Variants in STPG2 observed in about 807,000 individuals in gnomAD.
The protein encoded by STPG2 is sperm tail PG-rich repeat containing 2.
A neutral mutation model predicts 54.2 loss-of-function variants in STPG2; 56 were observed. That is an observed-to-expected ratio of 1.03 (90% CI 0.83 to 1.29). STPG2 has a LOEUF of 1.29. STPG2 is among the 50% of genes most tolerant of loss of function. The probability of loss-of-function intolerance (pLI) is 0.00; values close to 1 mark genes in which losing one functional copy is unlikely to be tolerated. For missense variants in STPG2, 596 were observed against 544.9 expected, an observed-to-expected ratio of 1.09 and a Z score of -0.93; for synonymous variants, 200 against 181.8, an observed-to-expected ratio of 1.10 and a Z score of -0.81.
chr4:97,651,719 T>C lies in STPG2; in HGVS notation c.1320+60980A>G, dbSNP rs926286873. ...AGAAGATAGGAGATGGTTGACAGGA[T>C]AGTAAAAGATGAGAAATAGTTAAGA... On this transcript the variant is annotated intron_variant, in intron 10 of 10. Coordinates refer to ENST00000295268, the MANE Select transcript of STPG2 (RefSeq NM_174952.3). Among the ~76,000 whole-genome samples, 9 of 151,926 alleles carry C rather than the reference T, an allele frequency of 5.9e-5. 1 individual carries two copies. Among genetic ancestry groups the C allele is most frequent in the Admixed American group, 4.6e-4 (7 of 15,212 alleles).
rs548138012 is a variant in STPG2 at position 98,071,658 on chromosome 4, A to G, written c.612+34295T>C. Among the ~76,000 whole-genome samples, 11 of 152,250 alleles carry G rather than the reference A, an allele frequency of 7.2e-5. No individual in the cohort carries two copies. In the East Asian group the frequency reaches 1.5e-3, roughly 21 times the overall value. ...AAGAATGGGAGAAAAATTTTGCAATATATCGATCTGACAAAGGTCTGATAT... is the reference window on the plus strand; with the variant it reads ...AAGAATGGGAGAAAAATTTTGCAATGTATCGATCTGACAAAGGTCTGATAT... On this transcript the variant is annotated intron_variant, in intron 5 of 10. Coordinates refer to ENST00000295268, the MANE Select transcript of STPG2 (RefSeq NM_174952.3).
At chr4:98,019,015 T>G (rs1736074145) in intron 5 of STPG2, among the ~76,000 whole-genome samples, 1 of 151,654 alleles carries the variant, frequency 6.6e-6, no homozygotes, top group South Asian at 2.1e-4. Flanking sequence ...AGAAGCTCTT[T>G]AGTTTAATGA....
chr4:97,599,902 T>C (rs534224394), intron 10 of STPG2, among the ~76,000 whole-genome samples: 1 of 151,824 alleles, frequency 6.6e-6, no homozygotes, highest in East Asian at 1.9e-4. Flanking sequence ...GAAATACTGC[T>C]TAGTCATAGG....
At chr4:97,539,263 T>C (rs1731627796) in intron 4 of STPG2, among the ~76,000 whole-genome samples, 1 of 151,924 alleles carries the variant, frequency 6.6e-6, no homozygotes, top group Admixed American at 6.5e-5. Context: ...GGATAAAGAG[T>C]CAAGACCCAT....
At chr4:97,735,072 C>CAA (rs33999995) in intron 9 of STPG2, among the ~76,000 whole-genome samples, 155 of 139,458 alleles carry the variant, frequency 1.1e-3, no homozygotes, top group Middle Eastern at 7.3e-3. Context: ...GACATCGTCT[C>CAA]AAAAAAAAAA....
At chr4:97,611,223 A>G (rs1483909953) in intron 10 of STPG2, among the ~76,000 whole-genome samples, 1 of 151,794 alleles carries the variant, frequency 6.6e-6, no homozygotes, top group African/African-American at 2.4e-5. Context: ...ATAGGCTGCT[A>G]GGCACTAATA....
At chr4:97,851,331 C>A (rs1729152236) in intron 8 of STPG2, among the ~76,000 whole-genome samples, 1 of 152,142 alleles carries the variant, frequency 6.6e-6, no homozygotes, top group African/African-American at 2.4e-5. Context: ...GTTATAAGTG[C>A]ATGAATGAGT....
intron 6 of STPG2, among the ~76,000 whole-genome samples, chr4:97,976,110 C>T (rs1054721983): frequency 2.6e-5 from 4 of 152,116 alleles, no homozygotes; most frequent in African/African-American, 7.2e-5. Flanking sequence ...AAACTCTTCC[C>T]AATTTTTCAA....
chr4:97,923,754 C>T (rs187879396), intron 8 of STPG2, among the ~76,000 whole-genome samples: 1 of 152,186 alleles, frequency 6.6e-6, no homozygotes, highest in Non-Finnish European at 1.5e-5. Context: ...AATCAGCACT[C>T]TGTGTCTAGC....
intron 8 of STPG2, among the ~76,000 whole-genome samples, chr4:97,858,942 T>C (rs1267962024): frequency 6.6e-6 from 1 of 152,198 alleles, no homozygotes; most frequent in East Asian, 1.9e-4. Context: ...AAAATGGTAG[T>C]TCTACTTTTA....
intron 5 of STPG2, among the ~76,000 whole-genome samples, chr4:98,057,404 A>G (rs952474441): frequency 3.3e-5 from 5 of 152,238 alleles, no homozygotes; most frequent in African/African-American, 9.6e-5. Context: ...CAAAAATGTC[A>G]TAATGCAATC....
chr4:97,515,035 A>C (rs891691978), intron 4 of STPG2, among the ~76,000 whole-genome samples: 5 of 152,136 alleles, frequency 3.3e-5, no homozygotes, highest in African/African-American at 1.2e-4. Flanking sequence ...AAAATCAAAA[A>C]TTTATCTGGA....
rs74396311 is a variant in STPG2 at position 97,549,575 on chromosome 4, T to C, written c.462+163124A>G. ...CAGAACCTGTGAAATCGGCCTTATT[T>C]GGAAAAAGGGTCTTTGCAGGTATAA... On this transcript the variant is annotated intron_variant, in intron 4 of 4. Transcript: ENST00000522676. 9.6e-3 allele frequency among the ~76,000 whole-genome samples: 1,459 copies of C among 152,156 alleles called. 23 individuals are homozygous for C. The highest frequency in any genetic ancestry group is 0.034 in the African/African-American group (1,391 of 41,518).
intron 3 of STPG2, among the ~76,000 whole-genome samples, chr4:98,120,455 A>G (rs1366919394): frequency 1.3e-5 from 2 of 152,142 alleles, no homozygotes; most frequent in African/African-American, 4.8e-5. Flanking sequence ...GTCAAGTGGT[A>G]TTTCTGCTTC....
At chr4:97,954,895 C>T (rs879327357) in intron 7 of STPG2, among the ~76,000 whole-genome samples, 1 of 151,932 alleles carries the variant, frequency 6.6e-6, no homozygotes, top group Admixed American at 6.6e-5. Flanking sequence ...AAATAACAGA[C>T]TAATGGATGA....
intron 5 of STPG2, among the ~76,000 whole-genome samples, chr4:98,066,007 T>C (rs1213711868): frequency 6.6e-6 from 1 of 151,886 alleles, no homozygotes; most frequent in African/African-American, 2.4e-5. Flanking sequence ...AATTTAATAA[T>C]TTAATGATAT....
chr4:98,010,174 C>T (rs947331319), intron 5 of STPG2, among the ~76,000 whole-genome samples: 2 of 151,728 alleles, frequency 1.3e-5, no homozygotes, highest in Non-Finnish European at 2.9e-5. Context: ...TCTAGATCCC[C>T]GAGCTTCATT....
chr4:97,941,248 C>T (rs1732970967), intron 8 of STPG2, among the ~76,000 whole-genome samples: 1 of 151,704 alleles, frequency 6.6e-6, no homozygotes, highest in Admixed American at 6.6e-5. Flanking sequence ...AGGATATTTG[C>T]TTTAGTTAGG....
intron 5 of STPG2, among the ~76,000 whole-genome samples, chr4:98,004,858 T>G (rs1249615902): frequency 6.6e-6 from 1 of 152,158 alleles, no homozygotes; most frequent in Non-Finnish European, 1.5e-5. Flanking sequence ...TGCCATCAAT[T>G]TGAGTTCTTT....
Sources: gnomAD v4.1 joint callset for allele counts (sites outside exome capture counted in the v4.1 genomes callset) on GRCh38, gnomAD v4.1.1 for gene constraint, MANE v1.5 for transcripts, NCBI Gene and HGNC (gene_info 2026-07-23, HGNC 2026-07-21) for gene names.